The following PDE2A variants were observed in gnomAD, a reference collection of about 807,000 sequenced individuals.
PDE2A encodes cGMP-dependent 3',5'-cyclic phosphodiesterase.
Under a neutral mutation model 133.6 loss-of-function variants are expected in PDE2A, and 53 were observed. That is an observed-to-expected ratio of 0.40 (90% CI 0.32 to 0.50). The LOEUF (loss-of-function observed/expected upper bound fraction) is 0.50. Among genes scored for constraint, PDE2A ranks in the 20% least tolerant of loss-of-function variants. PDE2A has a pLI of 0.73. For synonymous variants in PDE2A, 491 were observed against 490.2 expected (o/e 1.00, Z -0.02); for missense variants, 796 against 1,232.4 (o/e 0.65, Z 5.30).
rs923751603 is a variant in PDE2A, at chr11:72,582,224, G to T, written c.1851+220C>A. On this transcript the variant is annotated intron_variant, in intron 21 of 30. Transcript: ENST00000334456. ...AGGTCACATGCCCTGGGCATGGTTGGTCCAAGAGCAGCCCTTGGGATCATC... is the reference window on the plus strand; with the variant it reads ...AGGTCACATGCCCTGGGCATGGTTGTTCCAAGAGCAGCCCTTGGGATCATC... The T allele has an allele frequency of 4.1e-5, 25 of 614,812 alleles. No homozygotes were observed. The Middle Eastern group carries it at 1.3e-3, about 32-fold the overall frequency. 38.1% of individuals were successfully genotyped at this position (614,812 alleles called of 1,614,324 possible).
chr11:72,664,951 C>A (rs1438151956), intron 1 of PDE2A, among the ~76,000 whole-genome samples: 1 of 152,094 alleles, frequency 6.6e-6, no homozygotes, highest in Non-Finnish European at 1.5e-5. Flanking sequence ...GGATTACAGG[C>A]ATCCACCACC....
Position 72,584,673 on chromosome 11 carries a change from G to T in PDE2A, c.1415C>A (p.Thr472Lys). 2 of 1,613,398 alleles carry T rather than the reference G, an allele frequency of 1.2e-6. No homozygotes were observed. The highest frequency in any genetic ancestry group is 1.7e-6 in the Non-Finnish European group (2 of 1,180,014). ...GTCAGGGATGTTCAGGATCTGGCCC[G>T]TGGTCGCCACGTGTCCCGCGATGCC... ...DQGIAGHVAT[T>K]GQILNIPDAY... Residue 472 changes from threonine to lysine, a missense_variant, in exon 18 of 31, where the codon ACG (threonine) becomes AAG (lysine). Around this residue, in one of 7 missense-constraint regions of PDE2A, gnomAD observed 218 missense variants for 465.9 expected, o/e 0.47. Transcript: ENST00000334456.
intron 2 of PDE2A, among the ~76,000 whole-genome samples, chr11:72,632,092 C>T (rs1350625228): frequency 2.0e-5 from 3 of 152,140 alleles, no homozygotes; most frequent in Non-Finnish European, 2.9e-5. Flanking sequence ...AAATAAACAG[C>T]CTGAGGCACT....
intron 2 of PDE2A, among the ~76,000 whole-genome samples, chr11:72,636,910 C>T (rs180767186): frequency 1.6e-4 from 25 of 152,318 alleles, no homozygotes; most frequent in South Asian, 1.4e-3. Flanking sequence ...AGAATAAGTC[C>T]GCAGTCCTTA....
At chr11:72,621,734 C>G (rs936690395) in intron 2 of PDE2A, 1 of 152,226 alleles carries the variant, frequency 6.6e-6, no homozygotes, top group African/African-American at 2.4e-5. Flanking sequence ...TCAGCATCAT[C>G]CAGGACCTCC....
At chr11:72,613,478 C>G (rs1379089863) in intron 2 of PDE2A, among the ~76,000 whole-genome samples, 1 of 152,052 alleles carries the variant, frequency 6.6e-6, no homozygotes, top group African/African-American at 2.4e-5. Flanking sequence ...CCCTTCCTTT[C>G]GGGTGGACCT....
In PDE2A at chr11:72,642,337, G is replaced by A; in HGVS notation, c.72-11C>T. On this transcript the variant is annotated splice_polypyrimidine_tract_variant and intron_variant, in intron 1 of 30. Coordinates refer to ENST00000334456, the MANE Select transcript of PDE2A (RefSeq NM_002599.5). ...ACCTGCTGGCCCCGCCTGAGGAATT[G>A]GACAACAGCGATGAGGATGTGGTGC... 1 of 1,534,682 alleles carries A rather than the reference G, an allele frequency of 6.5e-7. No individual in the cohort carries two copies. Among genetic ancestry groups the A allele is most frequent in the South Asian group, 1.2e-5 (1 of 80,832 alleles).
At chr11:72,673,516 C>T (rs943452756) in intron 1 of PDE2A, among the ~76,000 whole-genome samples, 2 of 152,092 alleles carry the variant, frequency 1.3e-5, no homozygotes, top group African/African-American at 2.4e-5. Context: ...TGGACACACA[C>T]GAGGCTGGCA....
intron 7 of PDE2A, 199 bp downstream of exon 7, chr11:72,591,098 C>T (rs1856229374): frequency 1.6e-6 from 1 of 611,054 alleles, no homozygotes; most frequent in East Asian, 2.7e-5. Flanking sequence ...CTAGGTCAGT[C>T]GGTGCTATCA....
At chr11:72,613,730 C>A (rs576761953) in intron 2 of PDE2A, among the ~76,000 whole-genome samples, 183 of 152,266 alleles carry the variant, frequency 1.2e-3, no homozygotes, top group African/African-American at 4.3e-3. Flanking sequence ...GGAGAAAGCA[C>A]CTAACTCAAG....
At chr11:72,620,481 C>T (rs968050468) in intron 2 of PDE2A, among the ~76,000 whole-genome samples, 5 of 152,128 alleles carry the variant, frequency 3.3e-5, no homozygotes, top group East Asian at 3.9e-4. Flanking sequence ...GGAACACAAG[C>T]GAACCCAGGA....
intron 20 of PDE2A, among the ~76,000 whole-genome samples, chr11:72,582,768 G>A (rs1855781835): frequency 6.6e-6 from 1 of 152,100 alleles, no homozygotes; most frequent in Non-Finnish European, 1.5e-5. Context: ...CCCTGCAGGT[G>A]ACCACCCTTT....
chr11:72,580,514 A>C, intron 25 of PDE2A, 63 bp downstream of exon 25: 1 of 1,256,606 alleles, frequency 8.0e-7, no homozygotes, highest in Non-Finnish European at 1.1e-6. Flanking sequence ...GAGCTGGGTC[A>C]TAACTTTGCA....
rs760498321 is a variant in PDE2A, at chr11:72,597,650, G to GC, written c.324-32dup. 4 of 1,451,066 alleles carry GC rather than the reference G, an allele frequency of 2.8e-6. 1 individual carries two copies. The highest frequency in any genetic ancestry group is 2.3e-5 in the East Asian group (1 of 43,914). 89.9% of individuals were successfully genotyped at this position (1,451,066 alleles called of 1,614,324 possible). A position where few individuals can be genotyped will look rare whatever the true frequency, so the allele number is the denominator to read the frequency against. On this transcript the variant is annotated intron_variant, in intron 4 of 30. Coordinates refer to ENST00000334456, the MANE Select transcript of PDE2A (RefSeq NM_002599.5). The surrounding 1 kb of genome is among the most constrained non-coding windows in gnomAD (Gnocchi z 4.6). ...AAGAGGACATGATGCCACCTTGAGA[G>GC]CCCCCGACTCAGGGAGGAACGAGGC...
At chr11:72,580,789 T>G in intron 24 of PDE2A, 97 bp downstream of exon 24, 1 of 981,382 alleles carries the variant, frequency 1.0e-6, no homozygotes, top group Non-Finnish European at 1.6e-6. Flanking sequence ...ACCTGGCTCC[T>G]GGTCTCACTC....
intron 2 of PDE2A, among the ~76,000 whole-genome samples, chr11:72,638,582 C>T (rs1210485120): frequency 1.3e-5 from 2 of 152,198 alleles, no homozygotes; most frequent in East Asian, 3.8e-4. Flanking sequence ...GGTAGGAGCT[C>T]CATGAGGCCA....
chr11:72,666,239 C>T (rs1034362277), intron 1 of PDE2A, among the ~76,000 whole-genome samples: 1 of 152,194 alleles, frequency 6.6e-6, no homozygotes, highest in Non-Finnish European at 1.5e-5. Flanking sequence ...GTCAGACACT[C>T]CCCTCTCTGC....
chr11:72,582,741 GC>G (rs1261114972), intron 20 of PDE2A, among the ~76,000 whole-genome samples, 175 bp from the exon 21 acceptor site: 1 of 152,112 alleles, frequency 6.6e-6, no homozygotes, highest in African/African-American at 2.4e-5. Context: ...CAGCCCTGCA[GC>G]CCACCCCGCG....
intron 1 of PDE2A, among the ~76,000 whole-genome samples, chr11:72,661,071 G>A (rs1479439891): frequency 2.0e-5 from 3 of 152,090 alleles, no homozygotes; most frequent in African/African-American, 4.8e-5. Flanking sequence ...TTGGGAGGCC[G>A]AGGCAGGAGG....
Sources: gnomAD v4.1 joint callset for allele counts (sites outside exome capture counted in the v4.1 genomes callset) on GRCh38, gnomAD v4.1.1 for gene constraint, gnomAD v4.1.1 regional missense constraint, Gnocchi (gnomAD v3.1) non-coding constraint, MANE v1.5 for transcripts, NCBI Gene and HGNC (gene_info 2026-07-23, HGNC 2026-07-21) for gene names.